The following PLCL1 variants were observed in gnomAD, a reference collection of about 807,000 sequenced individuals.
PLCL1 encodes inactive phospholipase C-like protein 1.
Under a neutral mutation model 84.4 loss-of-function variants are expected in PLCL1, and 41 were observed. That is an observed-to-expected ratio of 0.49 (90% CI 0.38 to 0.63). PLCL1 has a LOEUF of 0.63. Among genes scored for constraint, PLCL1 ranks in the 30% least tolerant of loss-of-function variants. The pLI is 0.00. For synonymous variants in PLCL1, 490 were observed against 488.3 expected (o/e 1.00, Z -0.05); for missense variants, 1,206 against 1,367.8 (o/e 0.88, Z 1.87).
intron 1 of PLCL1, among the ~76,000 whole-genome samples, chr2:197,937,742 C>T (rs1365645619): frequency 1.3e-5 from 2 of 152,070 alleles, no homozygotes; most frequent in African/African-American, 2.4e-5. Context: ...TACACAGCTA[C>T]AATGAAAGAT....
chr2:197,903,799 G>A (rs1289138299), intron 1 of PLCL1, among the ~76,000 whole-genome samples: 1 of 139,248 alleles, frequency 7.2e-6, no homozygotes, highest in Non-Finnish European at 1.5e-5. Context: ...CACAGTGCCC[G>A]GCCTTTTTTT....
chr2:197,897,111 CTTCTT>C (rs1688152741), intron 1 of PLCL1, among the ~76,000 whole-genome samples: 1 of 35,646 alleles, frequency 2.8e-5, no homozygotes, highest in South Asian at 1.1e-3. Flanking sequence ...TCTTCTTCTT[CTTCTT>C]CTTCTTCTTC....
chr2:198,014,416 C>T (rs978820985), intron 1 of PLCL1, among the ~76,000 whole-genome samples: 1 of 152,050 alleles, frequency 6.6e-6, no homozygotes, highest in African/African-American at 2.4e-5. Flanking sequence ...GTTTCCTCAT[C>T]TGTAAAGTGA....
chr2:198,097,745 C>A (rs1017465314), intron 3 of PLCL1, among the ~76,000 whole-genome samples: 1 of 152,138 alleles, frequency 6.6e-6, no homozygotes, highest in Non-Finnish European at 1.5e-5. Flanking sequence ...ACTTGTCCTG[C>A]GCCATTACAA....
chr2:197,915,893 A>G (rs531997194), intron 1 of PLCL1, among the ~76,000 whole-genome samples: 2 of 152,302 alleles, frequency 1.3e-5, no homozygotes, highest in African/African-American at 4.8e-5. Flanking sequence ...TATTGTTTCT[A>G]GAATTAGTAT....
At chr2:197,837,818 G>T (rs975628666) in intron 1 of PLCL1, among the ~76,000 whole-genome samples, 1 of 152,216 alleles carries the variant, frequency 6.6e-6, no homozygotes, top group Non-Finnish European at 1.5e-5. Context: ...CATATTGAAA[G>T]TAGAAGAAGA....
At chr2:197,860,842 T>C (rs1449182338) in intron 1 of PLCL1, among the ~76,000 whole-genome samples, 2 of 152,240 alleles carry the variant, frequency 1.3e-5, no homozygotes, top group Non-Finnish European at 2.9e-5. Flanking sequence ...GTTGATAGTT[T>C]CTTTTGCTGT....
intron 1 of PLCL1, among the ~76,000 whole-genome samples, chr2:197,852,511 G>T (rs1229363653): frequency 6.6e-6 from 1 of 152,204 alleles, no homozygotes; most frequent in Non-Finnish European, 1.5e-5. Context: ...ATTAAAGGAG[G>T]AGATGAAGGT....
At chr2:197,815,383 A>T (rs1690666611) in intron 1 of PLCL1, among the ~76,000 whole-genome samples, 1 of 152,218 alleles carries the variant, frequency 6.6e-6, no homozygotes, top group African/African-American at 2.4e-5. Context: ...CTGCTCAGAA[A>T]AAAACATTCC....
intron 1 of PLCL1, among the ~76,000 whole-genome samples, chr2:197,888,456 A>C (rs1273818515): frequency 6.6e-6 from 1 of 152,188 alleles, no homozygotes; most frequent in African/African-American, 2.4e-5. Context: ...AGAGAGCAAG[A>C]AATTGAGAGA....
chr2:197,859,119 T>C (rs1313790957), intron 1 of PLCL1, among the ~76,000 whole-genome samples: 5 of 152,156 alleles, frequency 3.3e-5, no homozygotes, highest in Non-Finnish European at 7.3e-5. Flanking sequence ...GAAAAGTAGA[T>C]TCCATTGCTT....
chr2:198,132,589 T>A (rs1412904724), intron 5 of PLCL1, among the ~76,000 whole-genome samples: 1 of 152,050 alleles, frequency 6.6e-6, no homozygotes, highest in Non-Finnish European at 1.5e-5. Context: ...TGGGAAGAAA[T>A]CTGGATAGGA....
At chr2:197,998,859 C>T (rs1202072303) in intron 1 of PLCL1, among the ~76,000 whole-genome samples, 3 of 152,158 alleles carry the variant, frequency 2.0e-5, no homozygotes, top group African/African-American at 2.4e-5. Flanking sequence ...ACACACTCAA[C>T]GAAGGTGTGG....
intron 1 of PLCL1, among the ~76,000 whole-genome samples, chr2:197,937,673 G>C (rs1156636265): frequency 1.3e-5 from 2 of 152,036 alleles, no homozygotes; most frequent in Admixed American, 6.5e-5. Context: ...AGATTGTTTG[G>C]ACAAAGACAT....
In PLCL1 at chr2:197,983,179, TTTTTCTTTTTC is replaced by T. The variant is rs1467510110; in HGVS notation, c.241-100569_241-100559del. Among the ~76,000 whole-genome samples, 3 of 147,596 alleles carry T rather than the reference TTTTTCTTTTTC, an allele frequency of 2.0e-5. No individual in the cohort carries two copies. The South Asian group carries it at 6.4e-4, about 32-fold the overall frequency. ...TTTTCCTTTCTTTCTTTCTTTTTTC[TTTTTCTTTTTC>T]TTTTCTTTTCTTTTTTTTTTTTTTT... On this transcript the variant is annotated intron_variant, in intron 1 of 5. Coordinates refer to ENST00000428675, the MANE Select transcript of PLCL1 (RefSeq NM_006226.4).
chr2:197,914,443 C>T (rs1290051237), intron 1 of PLCL1, among the ~76,000 whole-genome samples: 3 of 151,846 alleles, frequency 2.0e-5, no homozygotes, highest in Non-Finnish European at 4.4e-5. Context: ...GATTCTCCTG[C>T]CTCAGCCTCC....
intron 1 of PLCL1, among the ~76,000 whole-genome samples, chr2:197,924,426 T>C (rs1211066162): frequency 3.3e-5 from 5 of 152,132 alleles, no homozygotes; most frequent in East Asian, 1.9e-4. Flanking sequence ...AATTCACCTT[T>C]AGATTTGAGT....
At chr2:198,056,693 A>G (rs1291014941) in intron 1 of PLCL1, among the ~76,000 whole-genome samples, 1 of 152,160 alleles carries the variant, frequency 6.6e-6, no homozygotes, top group African/African-American at 2.4e-5. Context: ...TTATTTTTGC[A>G]CTATTTTCTT....
chr2:197,918,971 T>TCTCTCTCTCTCTCTCTCACA (rs373512508), intron 1 of PLCL1, among the ~76,000 whole-genome samples: 8 of 144,550 alleles, frequency 5.5e-5, no homozygotes, highest in South Asian at 2.2e-4. Context: ...TCTCTCTCCC[T>TCTCTCTCTCTCTCTCTCACA]CACACACACA....
Sources: allele counts gnomAD v4.1 joint callset (sites outside exome capture counted in the v4.1 genomes callset), GRCh38; gene constraint gnomAD v4.1.1; transcripts MANE v1.5; gene names NCBI Gene and HGNC (gene_info 2026-07-23, HGNC 2026-07-21).